Variants in SEC24B observed in about 807,000 individuals in gnomAD.
SEC24B encodes SEC24 homolog B, COPII component.
SEC24B carries 45 observed loss-of-function variants against 142.8 expected under a neutral mutation model. The observed-to-expected ratio is 0.32, with a 90% CI of 0.25 to 0.40. SEC24B has a LOEUF of 0.40. Ranked by LOEUF, SEC24B falls within the 10% of genes least tolerant of loss-of-function variation. The pLI is 1.00. For missense variants in SEC24B, 1,409 were observed against 1,526.8 expected (o/e 0.92, Z 1.29); for synonymous variants, 574 against 568.2 (o/e 1.01, Z -0.15).
chr4:109,521,010 A>G, intron 12 of SEC24B, 107 bp from the exon 13 acceptor site: 1 of 707,626 alleles, frequency 1.4e-6, no homozygotes, highest in Non-Finnish European at 2.4e-6. Context: ...TAAATAAAAT[A>G]AAGCAAAATT....
At chr4:109,521,004 T>A in intron 12 of SEC24B, 113 bp from the exon 13 acceptor site, 1 of 683,062 alleles carries the variant, frequency 1.5e-6, no homozygotes. Context: ...AAAAAATAAA[T>A]AAAATAAAGC....
At chr4:109,449,288 A>G (rs901944202) in intron 1 of SEC24B, 3 of 335,364 alleles carry the variant, frequency 8.9e-6, no homozygotes, top group Non-Finnish European at 1.2e-5. Context: ...TAGTGGCTCA[A>G]TCATGGTTCA....
chr4:109,493,547 C>T (rs983699811), intron 5 of SEC24B, among the ~76,000 whole-genome samples: 18 of 151,574 alleles, frequency 1.2e-4, no homozygotes, highest in African/African-American at 4.1e-4. Flanking sequence ...TAAATAAGGG[C>T]ATTCATTCAT....
In SEC24B at chr4:109,507,796, C is replaced by G. The variant is rs1736862791; in HGVS notation, c.1673+1284C>G. ...GAGTACCTGGGATTACAGGCATGTG[C>G]CACCACACCCAGCTAATTTTGTATT... On this transcript the variant is annotated intron_variant, in intron 7 of 23. Transcript: ENST00000265175. 1.3e-5 allele frequency among the ~76,000 whole-genome samples: 2 copies of G among 152,098 alleles called. 1 individual carries two copies. The highest frequency in any genetic ancestry group is 4.1e-4 in the South Asian group (2 of 4,830).
Position 109,531,492 on chromosome 4 carries a change from C to A in SEC24B, c.3360C>A (p.Asn1120Lys). 6.2e-7 allele frequency: 1 copy of A among 1,610,142 alleles called. No individual in the cohort carries two copies. The highest frequency in any genetic ancestry group is 8.5e-7 in the Non-Finnish European group (1 of 1,176,430). The stretch of plus-strand genomic sequence containing the variant: ...ATCTAATGAAAATGATTCATCCCAA[C>A]TTATACAGGATAGACAGATTGACAG... ...LVHLMKMIHP[N>K]LYRIDRLTDE... is the part of the protein sequence containing the mutation. Residue 1120 changes from asparagine to lysine, a missense_variant, in exon 20 of 24, where the codon AAC (asparagine) becomes AAA (lysine). This residue lies in a region of SEC24B where 700 missense variants were observed against 853.3 expected (regional missense o/e 0.82). Coordinates refer to ENST00000265175, the MANE Select transcript of SEC24B (RefSeq NM_006323.5).
intron 22 of SEC24B, 49 bp downstream of exon 22, chr4:109,533,734 T>A (rs1190367852): frequency 2.7e-6 from 3 of 1,098,586 alleles, no homozygotes; most frequent in African/African-American, 1.6e-5. Context: ...CATTTTTTTT[T>A]ATTGATGTAA....
chr4:109,538,353 T>G, intron 22 of SEC24B, 140 bp from the exon 23 acceptor site: 1 of 572,664 alleles, frequency 1.7e-6, no homozygotes, highest in South Asian at 2.9e-5. Context: ...CAGTTTAAAT[T>G]TTATTTGTGT....
intron 4 of SEC24B, among the ~76,000 whole-genome samples, chr4:109,487,698 A>G (rs978605856): frequency 1.9e-4 from 29 of 152,378 alleles, no homozygotes; most frequent in African/African-American, 6.5e-4. Flanking sequence ...ATAGCAAAAT[A>G]TCATGAGTCT....
intron 18 of SEC24B, 129 bp from the exon 19 acceptor site, chr4:109,530,160 G>T: frequency 1.5e-6 from 1 of 659,370 alleles, no homozygotes. Context: ...GGGAGCTGAT[G>T]AAATGCATTT....
intron 14 of SEC24B, among the ~76,000 whole-genome samples, chr4:109,524,442 T>C (rs1723996994): frequency 6.6e-6 from 1 of 152,176 alleles, no homozygotes. Flanking sequence ...TATTTAATAA[T>C]GGTTAACAGC....
At position 109,463,418 on chromosome 4, in the gene SEC24B, G is replaced by A. The variant is rs370352426; in HGVS notation, c.651G>A (p.Pro217=). ...AAATGTTTACCTCACAGAATGCTCC[G>A]ACTGTTAGGCCAGTTAAAGATAATT... ...YGQMFTSQNA[P]TVRPVKDNSF... is the part of the protein sequence containing the mutation. Residue 217 remains proline (P), a synonymous_variant, in exon 2 of 24, where the codon CCG becomes CCA. Coordinates refer to ENST00000265175, the MANE Select transcript of SEC24B (RefSeq NM_006323.5). 44 of 1,614,106 alleles carry A rather than the reference G, an allele frequency of 2.7e-5. No individual in the cohort carries two copies. Among genetic ancestry groups the A allele is most frequent in the African/African-American group, 1.3e-4 (10 of 75,006 alleles).
intron 2 of SEC24B, among the ~76,000 whole-genome samples, chr4:109,466,136 A>G (rs568692928): frequency 6.6e-6 from 1 of 152,320 alleles, no homozygotes; most frequent in Admixed American, 6.5e-5. Flanking sequence ...ATACGTTTCA[A>G]TATTTTTCAA....
chr4:109,539,550 C>G lies in SEC24B; in HGVS notation c.3693-11C>G. On this transcript the variant is annotated splice_polypyrimidine_tract_variant and intron_variant, in intron 23 of 23. Coordinates refer to ENST00000265175, the MANE Select transcript of SEC24B (RefSeq NM_006323.5). ...AATACGTTTAGACAAATGCCCTTTT[C>G]TTTCTTCCAGAGATGAGAGTCCTGC... The G allele has an allele frequency of 6.4e-7, 1 of 1,573,388 alleles. No individual in the cohort carries two copies. Among genetic ancestry groups the G allele is most frequent in the Non-Finnish European group, 8.7e-7 (1 of 1,143,444 alleles).
chr4:109,526,133 A>G, intron 16 of SEC24B, 93 bp from the exon 17 acceptor site: 1 of 1,245,412 alleles, frequency 8.0e-7, no homozygotes, highest in African/African-American at 1.5e-5. Context: ...TTTTGATTCA[A>G]AATCATAAAC....
At chr4:109,446,213 G>A (rs566539745) in intron 1 of SEC24B, among the ~76,000 whole-genome samples, 1 of 152,116 alleles carries the variant, frequency 6.6e-6, no homozygotes, top group African/African-American at 2.4e-5. Context: ...AACTTGGTAG[G>A]CCTGATACAA....
intron 1 of SEC24B, among the ~76,000 whole-genome samples, chr4:109,439,500 TTTTTTTTTTTTTTTTTTTTG>T (rs1728730294): frequency 2.6e-5 from 3 of 116,552 alleles, no homozygotes; most frequent in South Asian, 3.3e-4. Context: ...TTTTTTTTTT[TTTTTTTTTTTTTTTTTTTTG>T]AGACTGAGTT....
chr4:109,480,185 G>C (rs1338721971), intron 3 of SEC24B, among the ~76,000 whole-genome samples: 1 of 151,262 alleles, frequency 6.6e-6, no homozygotes, highest in Non-Finnish European at 1.5e-5. Context: ...TTTAACCTTT[G>C]CTTCTAAACT....
intron 22 of SEC24B, 24 bp from the exon 23 acceptor site, chr4:109,538,469 T>G: frequency 6.6e-7 from 1 of 1,519,452 alleles, no homozygotes; most frequent in Non-Finnish European, 9.1e-7. Flanking sequence ...AAGGAAAGTT[T>G]CCTAATTGTA....
chr4:109,521,151 G>A lies in SEC24B; in HGVS notation c.2280G>A (p.Val760=), dbSNP rs368309454. ...VFLPTPDSLL[V]NLYESKELIK... is the part of the protein sequence containing the mutation. ...TACCTACACCGGATAGTTTACTTGTGAATCTATATGAAAGTAAAGAGGTAA... is the reference window on the plus strand; with the variant it reads ...TACCTACACCGGATAGTTTACTTGTAAATCTATATGAAAGTAAAGAGGTAA... Residue 760 remains valine (V), a synonymous_variant, in exon 13 of 24, where the codon GTG becomes GTA. Transcript: ENST00000265175. 93 of 1,520,722 alleles carry A rather than the reference G, an allele frequency of 6.1e-5. No homozygotes were observed. The East Asian group carries it at 1.6e-3, about 26-fold the overall frequency. 94.2% of individuals were successfully genotyped at this position (1,520,722 alleles called of 1,614,324 possible).
Sources: allele counts gnomAD v4.1 joint callset (sites outside exome capture counted in the v4.1 genomes callset), GRCh38; gene constraint gnomAD v4.1.1; regional missense constraint gnomAD v4.1.1; transcripts MANE v1.5; gene names NCBI Gene and HGNC (gene_info 2026-07-23, HGNC 2026-07-21).